Variants in HOMER2 observed in about 807,000 individuals in gnomAD.
HOMER2 encodes the protein homer protein homolog 2.
In HOMER2, 27 loss-of-function variants were observed where a neutral mutation model predicts 47.0. The observed-to-expected ratio is 0.57, with a 90% CI of 0.42 to 0.79. The LOEUF (loss-of-function observed/expected upper bound fraction) is 0.79, where lower values mean the gene tolerates loss of function less well. Among genes scored for constraint, HOMER2 ranks in the 30% least tolerant of loss-of-function variants. HOMER2 has a pLI of 0.00. For synonymous variants in HOMER2, 161 were observed against 163.8 expected, an observed-to-expected ratio of 0.98 and a Z score of 0.13; for missense variants, 443 against 435.0, an observed-to-expected ratio of 1.02 and a Z score of -0.16.
chr15:82,836,923 TAAC>T (rs1471292528), downstream of HOMER2: 1 of 152,242 alleles, frequency 6.6e-6, no homozygotes, highest in African/African-American at 2.4e-5. Flanking sequence ...ATTGCTGCCA[TAAC>T]AAATCACCAC....
At chr15:82,959,972 C>T (rs2054616597) in intron 1 of HOMER2, among the ~76,000 whole-genome samples, 1 of 152,132 alleles carries the variant, frequency 6.6e-6, no homozygotes, top group Non-Finnish European at 1.5e-5. Flanking sequence ...TCTGAGAGAG[C>T]CTGGAGTTCT....
Position 82,849,643 on chromosome 15 carries a change from G to C in HOMER2, c.*72C>G, listed in dbSNP as rs573435618. The stretch of plus-strand genomic sequence containing the variant: ...ATTTACAGAAGCAATGCACACAGAA[G>C]AACGTCCTAGAGCTATCTGGTCTCG... On this transcript the variant is annotated 3_prime_UTR_variant, in exon 9 of 9. Coordinates refer to ENST00000450735, the MANE Select transcript of HOMER2 (RefSeq NM_004839.4). 2.1e-5 allele frequency: 28 copies of C among 1,358,274 alleles called. No homozygotes were observed. The Middle Eastern group carries it at 7.4e-4, about 36-fold the overall frequency. The allele number at this position is 1,358,274 out of a possible 1,614,324, so 84.1% of individuals were successfully genotyped here. A position where few individuals can be genotyped will look rare whatever the true frequency, so the allele number is the denominator to read the frequency against.
At chr15:82,871,821 C>T (rs1053903602) in intron 3 of HOMER2, among the ~76,000 whole-genome samples, 6 of 152,228 alleles carry the variant, frequency 3.9e-5, no homozygotes, top group African/African-American at 9.7e-5. Context: ...GAGCATTTAA[C>T]TTGGACAATG....
intron 4 of HOMER2, among the ~76,000 whole-genome samples, chr15:82,859,821 CTA>C (rs1166663154): frequency 6.6e-6 from 1 of 151,066 alleles, no homozygotes; most frequent in Non-Finnish European, 1.5e-5. Flanking sequence ...AAGGAAGAAA[CTA>C]GAAGAGAATG....
chr15:82,845,272 A>G (rs2051226375), downstream of HOMER2: 1 of 149,298 alleles, frequency 6.7e-6, no homozygotes, highest in Admixed American at 6.7e-5. Flanking sequence ...GCGTGCGCAC[A>G]TACACAGTCG....
rs1015049338 is a variant in HOMER2 at position 82,851,313 on chromosome 15, C to T, written c.763-82G>A. On this transcript the variant is annotated intron_variant, in intron 7 of 8. Transcript: ENST00000450735. ...TGAAAATCACCAATGTGTGCACGCT[C>T]GTGGAAGCAGCTTTGGGACCCTGTC... 5.9e-5 allele frequency: 55 copies of T among 939,386 alleles called. No homozygotes were observed. In the African/African-American group the frequency reaches 8.0e-4, roughly 14 times the overall value. 58.2% of individuals were successfully genotyped at this position (939,386 alleles called of 1,614,324 possible). A position where few individuals can be genotyped will look rare whatever the true frequency, so the allele number is the denominator to read the frequency against.
intron 2 of HOMER2, among the ~76,000 whole-genome samples, chr15:82,891,432 G>A (rs1052852018): frequency 6.6e-6 from 1 of 152,162 alleles, no homozygotes; most frequent in Non-Finnish European, 1.5e-5. Flanking sequence ...GCAGAGAAAG[G>A]GTAAAAAGCA....
intron 1 of HOMER2, among the ~76,000 whole-genome samples, chr15:82,982,426 T>C (rs2030424888): frequency 6.6e-6 from 1 of 152,218 alleles, no homozygotes; most frequent in African/African-American, 2.4e-5. Context: ...GAAAAAAATT[T>C]CATTTGAAAA....
chr15:82,944,238 G>A (rs543704133), intron 1 of HOMER2, among the ~76,000 whole-genome samples: 6 of 152,228 alleles, frequency 3.9e-5, no homozygotes, highest in East Asian at 3.9e-4. Flanking sequence ...CCATCCTGCC[G>A]TTCTTCCCAC....
At chr15:82,925,603 G>T (rs766944734) in intron 1 of HOMER2, among the ~76,000 whole-genome samples, 3 of 152,054 alleles carry the variant, frequency 2.0e-5, no homozygotes, top group Non-Finnish European at 2.9e-5. Context: ...TTTCCCTTTG[G>T]CTGTGTAACC....
At chr15:82,985,981 G>T (rs2030585919), upstream of HOMER2, 1 of 733,190 alleles carries the variant, frequency 1.4e-6, no homozygotes, top group Non-Finnish European at 1.7e-6. Flanking sequence ...CCAATCAAAG[G>T]AGCTTAATAG....
chr15:82,961,405 T>C (rs112990284), intron 1 of HOMER2, among the ~76,000 whole-genome samples: 2,620 of 152,386 alleles, frequency 0.017, 30 homozygotes, highest in Non-Finnish European at 0.028. Context: ...CAATTACATA[T>C]GACTTATTGT....
intron 1 of HOMER2, among the ~76,000 whole-genome samples, chr15:82,907,308 G>A (rs1046686793): frequency 1.4e-4 from 22 of 151,930 alleles, no homozygotes; most frequent in Admixed American, 1.1e-3. Context: ...AGCAAGCCAA[G>A]ACTGTGCCAC....
chr15:82,920,484 A>G (rs2053700089), intron 1 of HOMER2, among the ~76,000 whole-genome samples: 1 of 152,162 alleles, frequency 6.6e-6, no homozygotes, highest in African/African-American at 2.4e-5. Flanking sequence ...CTAGGGTTGG[A>G]AGCTCTAAGG....
chr15:82,861,221 A>C (rs2051779539), intron 4 of HOMER2, among the ~76,000 whole-genome samples: 1 of 152,176 alleles, frequency 6.6e-6, no homozygotes, highest in African/African-American at 2.4e-5. Flanking sequence ...CCATTTCAAG[A>C]AGTTATGCAG....
intron 1 of HOMER2, among the ~76,000 whole-genome samples, chr15:82,894,576 CAGA>C (rs2052839714): frequency 6.8e-6 from 1 of 148,126 alleles, no homozygotes. Flanking sequence ...GAGGCTGAGG[CAGA>C]AGAATGGCGT....
chr15:82,902,246 G>A (rs552090330), intron 1 of HOMER2, among the ~76,000 whole-genome samples: 8 of 146,394 alleles, frequency 5.5e-5, no homozygotes, highest in Non-Finnish European at 8.9e-5. Flanking sequence ...CACCCAGGCT[G>A]TAATGCAGTG....
intron 1 of HOMER2, among the ~76,000 whole-genome samples, chr15:82,983,715 G>A (rs373924655): frequency 4.6e-5 from 7 of 151,776 alleles, no homozygotes; most frequent in South Asian, 2.1e-4. Context: ...TCAGCTTCCC[G>A]AGTAGCTGGG....
At chr15:82,878,239 A>T (rs552789280) in intron 2 of HOMER2, among the ~76,000 whole-genome samples, 1 of 152,198 alleles carries the variant, frequency 6.6e-6, no homozygotes, top group African/African-American at 2.4e-5. Flanking sequence ...CACCCCATAC[A>T]GGCTATCCCA....
Sources: allele counts gnomAD v4.1 joint callset (sites outside exome capture counted in the v4.1 genomes callset), GRCh38; gene constraint gnomAD v4.1.1; transcripts MANE v1.5; gene names NCBI Gene and HGNC (gene_info 2026-07-23, HGNC 2026-07-21).